Variants in ANKS1B observed in about 807,000 individuals in gnomAD.
The protein encoded by ANKS1B is ankyrin repeat and sterile alpha motif domain-containing protein 1B.
ANKS1B carries 36 observed loss-of-function variants against 148.3 expected under a neutral mutation model. The observed-to-expected ratio is 0.24, with a 90% confidence interval of 0.19 to 0.32. The LOEUF (loss-of-function observed/expected upper bound fraction) is 0.32, where lower values mean the gene tolerates loss of function less well. ANKS1B is among the 10% of genes least tolerant of loss of function. The pLI, the probability that ANKS1B is intolerant of heterozygous loss-of-function variation, is 1.00. For synonymous variants in ANKS1B, 542 were observed against 560.8 expected, an observed-to-expected ratio of 0.97 and a Z score of 0.47; for missense variants, 1,157 against 1,542.6, an observed-to-expected ratio of 0.75 and a Z score of 4.19.
chr12:99,104,523 G>T (rs1031995653), intron 15 of ANKS1B: 3 of 151,968 alleles, frequency 2.0e-5, no homozygotes, highest in Admixed American at 1.3e-4. Flanking sequence ...ATTACTTCAG[G>T]TCTCAAGTTT....
At chr12:99,467,036 C>G (rs1001379285) in intron 10 of ANKS1B, among the ~76,000 whole-genome samples, 1 of 152,140 alleles carries the variant, frequency 6.6e-6, no homozygotes, top group Non-Finnish European at 1.5e-5. Flanking sequence ...TGCAAAAATC[C>G]TCAATTAAAT....
chr12:99,132,951 G>C (rs1279697083), intron 15 of ANKS1B, among the ~76,000 whole-genome samples: 1 of 150,620 alleles, frequency 6.6e-6, no homozygotes, highest in Non-Finnish European at 1.5e-5. Context: ...ATTGAAAACT[G>C]TGCCTTGTCA....
intron 17 of ANKS1B, among the ~76,000 whole-genome samples, chr12:98,947,446 G>A (rs1217423830): frequency 6.6e-6 from 1 of 152,200 alleles, no homozygotes; most frequent in Non-Finnish European, 1.5e-5. Flanking sequence ...ATAGGGGAAT[G>A]TGGGAGAAAA....
chr12:99,339,501 TG>T (rs2089545812), intron 12 of ANKS1B, among the ~76,000 whole-genome samples: 1 of 152,148 alleles, frequency 6.6e-6, no homozygotes, highest in Non-Finnish European at 1.5e-5. Flanking sequence ...ACCTAAATTT[TG>T]GTTGTTATAA....
intron 1 of ANKS1B, among the ~76,000 whole-genome samples, chr12:99,942,945 G>T (rs2094956674): frequency 6.6e-6 from 1 of 152,140 alleles, no homozygotes; most frequent in East Asian, 1.9e-4. Flanking sequence ...CAGGGTATTT[G>T]ATTCACGAAT....
At chr12:98,849,658 GTT>G (rs970156343) in intron 17 of ANKS1B, among the ~76,000 whole-genome samples, 55 of 152,158 alleles carry the variant, frequency 3.6e-4, no homozygotes, top group Non-Finnish European at 1.9e-4. Flanking sequence ...TAAAATATAA[GTT>G]TTCAAATACT....
intron 1 of ANKS1B, among the ~76,000 whole-genome samples, chr12:99,889,012 AT>A (rs2092967256): frequency 6.8e-6 from 1 of 146,962 alleles, no homozygotes; most frequent in Non-Finnish European, 1.5e-5. Flanking sequence ...CTAGAGACTG[AT>A]TTTCCACACA....
intron 9 of ANKS1B, among the ~76,000 whole-genome samples, chr12:99,511,408 T>C (rs989778802): frequency 6.6e-6 from 1 of 151,784 alleles, no homozygotes; most frequent in African/African-American, 2.4e-5. Context: ...TTCAAGGAAA[T>C]CAGAGATGAC....
chr12:99,825,120 T>G (rs2083021982), intron 2 of ANKS1B, among the ~76,000 whole-genome samples, 189 bp downstream of exon 2: 1 of 152,190 alleles, frequency 6.6e-6, no homozygotes, highest in Admixed American at 6.5e-5. Flanking sequence ...CAGCTTACAC[T>G]CTGCACGCAA....
At chr12:99,411,043 G>A (rs1349745494) in intron 11 of ANKS1B, among the ~76,000 whole-genome samples, 3 of 152,202 alleles carry the variant, frequency 2.0e-5, no homozygotes, top group South Asian at 2.1e-4. Flanking sequence ...CAGGCCAGGG[G>A]CACCTGGGTT....
At chr12:99,295,221 TG>T (rs2080700438) in intron 12 of ANKS1B, among the ~76,000 whole-genome samples, 1 of 152,238 alleles carries the variant, frequency 6.6e-6, no homozygotes, top group Non-Finnish European at 1.5e-5. Context: ...TTACTCCACA[TG>T]TTCACTAACA....
rs553369774 is a variant in ANKS1B at position 99,415,770 on chromosome 12, G to A, written c.1576-15959C>T. On this transcript the variant is annotated intron_variant, in intron 11 of 26. Transcript: ENST00000683438. ...GAGATCTCGGCTCACGGCAAGCTCC[G>A]CCTCCCAGGTTCACGCCATTTTCCT... is the stretch of plus-strand genomic sequence containing the variant. Among the ~76,000 whole-genome samples the A allele has an allele frequency of 2.8e-4, 42 of 149,876 alleles. 1 individual carries two copies. The South Asian group carries it at 8.8e-3, about 31-fold the overall frequency.
intron 1 of ANKS1B, among the ~76,000 whole-genome samples, chr12:99,853,636 C>A (rs983884844): frequency 3.1e-4 from 47 of 152,252 alleles, no homozygotes; most frequent in African/African-American, 1.1e-3. Flanking sequence ...CCCAGAAAAA[C>A]AATCCTGGTA....
intron 12 of ANKS1B, among the ~76,000 whole-genome samples, chr12:99,335,685 T>A (rs1013609374): frequency 6.6e-6 from 1 of 152,134 alleles, no homozygotes; most frequent in Non-Finnish European, 1.5e-5. Context: ...GATCTTATTA[T>A]TTTTATGGCT....
intron 12 of ANKS1B, among the ~76,000 whole-genome samples, chr12:99,394,493 A>T (rs2094178890): frequency 6.6e-6 from 1 of 152,038 alleles, no homozygotes; most frequent in South Asian, 2.1e-4. Context: ...TATCATTTCC[A>T]ACCAAATTGC....
intron 17 of ANKS1B, among the ~76,000 whole-genome samples, chr12:98,937,505 C>G (rs2099819919): frequency 6.6e-6 from 1 of 152,028 alleles, no homozygotes; most frequent in African/African-American, 2.4e-5. Flanking sequence ...TTATACTACT[C>G]TTTTTGCCAG....
At chr12:99,581,316 A>C (rs886484848) in intron 9 of ANKS1B, among the ~76,000 whole-genome samples, 1 of 152,202 alleles carries the variant, frequency 6.6e-6, no homozygotes, top group Non-Finnish European at 1.5e-5. Flanking sequence ...AAAATAATGA[A>C]ATTTTCAACA....
In ANKS1B at chr12:98,800,675, G is replaced by GATATATATATATATATATATATATAT. The variant is rs3049844; in HGVS notation, c.3270+321_3270+322insATATATATATATATATATATATATAT. On this transcript the variant is annotated intron_variant, in intron 21 of 26. Coordinates refer to ENST00000683438, the MANE Select transcript of ANKS1B (RefSeq NM_001352186.2). Reference sequence around the variant, plus strand: ...ACCCAGTGTTTGGTGAGTGAGCAGAGATATATATATATATATGCCATATTT... The same window carrying GATATATATATATATATATATATATAT: ...ACCCAGTGTTTGGTGAGTGAGCAGAGATATATATATATATATATATATATATATATATATATATATATGCCATATTT... 1.7e-3 allele frequency among the ~76,000 whole-genome samples: 171 copies of GATATATATATATATATATATATATAT among 99,602 alleles called. 10 individuals are homozygous for GATATATATATATATATATATATATAT. The highest frequency in any genetic ancestry group is 4.4e-3 in the East Asian group (8 of 1,828). 65.3% of individuals were successfully genotyped at this position (99,602 alleles called of 152,430 possible). A position where few individuals can be genotyped will look rare whatever the true frequency, so the allele number is the denominator to read the frequency against.
intron 9 of ANKS1B, among the ~76,000 whole-genome samples, chr12:99,646,382 G>T (rs913647156): frequency 6.6e-6 from 1 of 152,058 alleles, no homozygotes; most frequent in African/African-American, 2.4e-5. Flanking sequence ...AAGTGGGCTG[G>T]GCACGGTGGC....
Sources: allele counts gnomAD v4.1 joint callset (sites outside exome capture counted in the v4.1 genomes callset), GRCh38; gene constraint gnomAD v4.1.1; transcripts MANE v1.5; gene names NCBI Gene and HGNC (gene_info 2026-07-23, HGNC 2026-07-21).